ARHGAP10: variants seen among roughly 807,000 people sequenced by gnomAD.
The protein encoded by ARHGAP10 is Rho GTPase activating protein 10, also known as rho GTPase-activating protein 10.
In ARHGAP10, 87 loss-of-function variants were observed where a neutral mutation model predicts 108.6. The observed-to-expected ratio is 0.80, with a 90% confidence interval of 0.67 to 0.96. ARHGAP10 has a LOEUF of 0.96. Ranked by LOEUF, ARHGAP10 falls within the 40% of genes least tolerant of loss-of-function variation. The pLI is 0.00. For missense variants in ARHGAP10, 939 were observed against 954.5 expected, an observed-to-expected ratio of 0.98 and a Z score of 0.21; for synonymous variants, 347 against 341.1, an observed-to-expected ratio of 1.02 and a Z score of -0.19.
At chr4:147,910,535 C>T (rs919740323) in intron 12 of ARHGAP10, among the ~76,000 whole-genome samples, 4 of 152,116 alleles carry the variant, frequency 2.6e-5, no homozygotes, top group African/African-American at 7.2e-5. Context: ...TGTTTGACTA[C>T]AGGCTATACA....
intron 1 of ARHGAP10, among the ~76,000 whole-genome samples, chr4:147,782,946 A>G (rs978433363): frequency 7.1e-6 from 1 of 140,142 alleles, no homozygotes; most frequent in Non-Finnish European, 1.6e-5. Flanking sequence ...ATTATATATT[A>G]TATAAATTAT....
At chr4:147,736,119 G>GCT (rs1728401225) in intron 1 of ARHGAP10, among the ~76,000 whole-genome samples, 1 of 127,870 alleles carries the variant, frequency 7.8e-6, no homozygotes, top group African/African-American at 3.9e-5. Flanking sequence ...AAATTGTCTA[G>GCT]CTGTGTGTGT....
chr4:147,826,099 C>A (rs1341164599), intron 3 of ARHGAP10, among the ~76,000 whole-genome samples: 1 of 152,164 alleles, frequency 6.6e-6, no homozygotes, highest in African/African-American at 2.4e-5. Flanking sequence ...GCACAAAGGG[C>A]ATCATCCTGG....
chr4:147,835,583 A>G (rs1464434259), intron 3 of ARHGAP10, among the ~76,000 whole-genome samples: 3 of 152,154 alleles, frequency 2.0e-5, no homozygotes, highest in Non-Finnish European at 4.4e-5. Context: ...CATGTTGGCC[A>G]GGCTGGTCTC....
At chr4:147,909,912 A>G in intron 12 of ARHGAP10, 135 bp downstream of exon 12, 1 of 826,602 alleles carries the variant, frequency 1.2e-6, no homozygotes, top group Non-Finnish European at 1.9e-6. Context: ...ACACGTAATA[A>G]TCCTCTATTG....
At chr4:147,892,118 C>G (rs1227687666) in intron 10 of ARHGAP10, among the ~76,000 whole-genome samples, 2 of 152,188 alleles carry the variant, frequency 1.3e-5, no homozygotes, top group Non-Finnish European at 2.9e-5. Flanking sequence ...TCCCATATCA[C>G]TCTTGAAAGG....
intron 16 of ARHGAP10, among the ~76,000 whole-genome samples, chr4:147,960,652 A>T (rs985170289): frequency 1.3e-5 from 2 of 152,212 alleles, no homozygotes; most frequent in Non-Finnish European, 2.9e-5. Flanking sequence ...GGGCTCAAAT[A>T]AGTATACAGC....
At chr4:147,920,877 A>G (rs1269841816) in intron 13 of ARHGAP10, among the ~76,000 whole-genome samples, 1 of 152,250 alleles carries the variant, frequency 6.6e-6, no homozygotes, top group African/African-American at 2.4e-5. Context: ...GATACAGAGA[A>G]AGGGTGACTG....
chr4:147,899,317 G>A (rs566566378), intron 10 of ARHGAP10, among the ~76,000 whole-genome samples: 1 of 152,072 alleles, frequency 6.6e-6, no homozygotes, highest in African/African-American at 2.4e-5. Flanking sequence ...GGGTGTGTGT[G>A]TGTGTGCATG....
At chr4:147,852,621 A>G (rs1468636395) in intron 4 of ARHGAP10, among the ~76,000 whole-genome samples, 2 of 151,964 alleles carry the variant, frequency 1.3e-5, no homozygotes, top group Admixed American at 1.3e-4. Flanking sequence ...AAAGCAACAC[A>G]TAAGGAAGCC....
At chr4:147,963,308 T>G (rs1169136220) in intron 16 of ARHGAP10, among the ~76,000 whole-genome samples, 19 of 152,242 alleles carry the variant, frequency 1.2e-4, no homozygotes, top group Admixed American at 1.2e-3. Context: ...CTTGAACCCT[T>G]CCCCGTTCTT....
Position 147,857,623 on chromosome 4 carries a change from C to T in ARHGAP10, c.455C>T (p.Ser152Leu), listed in dbSNP as rs1734147253. 6.7e-7 allele frequency: 1 copy of T among 1,490,752 alleles called. No individual in the cohort carries two copies. 92.3% of individuals were successfully genotyped at this position (1,490,752 alleles called of 1,614,324 possible). Residue 152 changes from serine (S) to leucine (L), a missense_variant, in exon 5 of 23, where the codon TCA (serine) becomes TTA (leucine). Coordinates refer to ENST00000336498, the MANE Select transcript of ARHGAP10 (RefSeq NM_024605.4). ...CTAATTGATAAACATTTGAATTTAT[C>T]AGCAAAAAAGAAAGACTCACATTTA... is the stretch of plus-strand genomic sequence containing the variant. The part of the protein sequence containing the change: ...YSLIDKHLNL[S>L]AKKKDSHLQE...
At chr4:147,817,532 G>A (rs1047076421) in intron 1 of ARHGAP10, among the ~76,000 whole-genome samples, 11 of 152,182 alleles carry the variant, frequency 7.2e-5, no homozygotes, top group Admixed American at 7.2e-4. Context: ...TTCAAAACGA[G>A]GTTGGCTCTC....
intron 1 of ARHGAP10, among the ~76,000 whole-genome samples, chr4:147,784,431 A>G (rs1337344542): frequency 1.6e-5 from 2 of 125,238 alleles, no homozygotes; most frequent in Non-Finnish European, 3.1e-5. Flanking sequence ...TTTTTAAATT[A>G]CATAATATAT....
At chr4:147,842,629 A>G (rs1579106559) in intron 3 of ARHGAP10, among the ~76,000 whole-genome samples, 1 of 152,078 alleles carries the variant, frequency 6.6e-6, no homozygotes, top group East Asian at 1.9e-4. Context: ...TCCACATGGA[A>G]GGCCTTTGCC....
At chr4:148,008,237 T>C (rs1175160772) in intron 18 of ARHGAP10, among the ~76,000 whole-genome samples, 1 of 152,172 alleles carries the variant, frequency 6.6e-6, no homozygotes, top group Non-Finnish European at 1.5e-5. Flanking sequence ...GTTTCCAACC[T>C]GCTGAAAGCA....
chr4:147,800,007 C>T (rs1032424392), intron 1 of ARHGAP10, among the ~76,000 whole-genome samples: 1 of 152,162 alleles, frequency 6.6e-6, no homozygotes, highest in Non-Finnish European at 1.5e-5. Context: ...AGGTCCTGCC[C>T]TACATTTGTG....
At chr4:147,906,867 G>T in intron 11 of ARHGAP10, 148 bp downstream of exon 11, 4 of 917,634 alleles carry the variant, frequency 4.4e-6, no homozygotes, top group Non-Finnish European at 6.7e-6. Flanking sequence ...CAACATTCTA[G>T]TAATTTGGGT....
chr4:148,008,831 G>A (rs6839648), intron 18 of ARHGAP10, among the ~76,000 whole-genome samples: 3,833 of 152,004 alleles, frequency 0.025, 166 homozygotes, highest in African/African-American at 0.084. Flanking sequence ...TTCCAGAGGC[G>A]ATGATATTAA....
Sources: allele counts gnomAD v4.1 joint callset (sites outside exome capture counted in the v4.1 genomes callset), GRCh38; gene constraint gnomAD v4.1.1; transcripts MANE v1.5; gene names NCBI Gene and HGNC (gene_info 2026-07-23, HGNC 2026-07-21).